ASB2: variants seen among roughly 807,000 people sequenced by gnomAD.
The protein encoded by ASB2 is ankyrin repeat and SOCS box containing 2.
In ASB2, 58 loss-of-function variants were observed where a neutral mutation model predicts 62.4. The observed-to-expected ratio is 0.93, with a 90% confidence interval of 0.75 to 1.16. ASB2 has a LOEUF of 1.16. ASB2 is among the 50% of genes most tolerant of loss of function. ASB2 has a pLI of 0.00. For missense variants in ASB2, 928 were observed against 887.9 expected, an observed-to-expected ratio of 1.05 and a Z score of -0.57; for synonymous variants, 386 against 385.3, an observed-to-expected ratio of 1.00 and a Z score of -0.02.
intron 2 of ASB2, 88 bp downstream of exon 2, chr14:93,964,246 C>G: frequency 8.4e-7 from 1 of 1,183,874 alleles, no homozygotes; most frequent in Non-Finnish European, 1.2e-6. Flanking sequence ...ACCAGGATAC[C>G]GTGGTTTTGG....
chr14:93,942,113 C>CT, intron 7 of ASB2: 1 of 452,894 alleles, frequency 2.2e-6, no homozygotes, highest in Non-Finnish European at 4.4e-6. Flanking sequence ...CATCACTCCT[C>CT]TTCCCAGCCC....
intron 5 of ASB2, among the ~76,000 whole-genome samples, chr14:93,952,571 G>A (rs1451056631): frequency 6.6e-6 from 1 of 152,234 alleles, no homozygotes; most frequent in Non-Finnish European, 1.5e-5. Flanking sequence ...TGGACAGGAT[G>A]CTTTAGAATG....
chr14:93,953,339 G>C lies in ASB2; in HGVS notation c.634+13C>G, dbSNP rs747574977. 72 of 1,558,480 alleles carry C rather than the reference G, an allele frequency of 4.6e-5. No individual in the cohort carries two copies. Among genetic ancestry groups the C allele is most frequent in the Non-Finnish European group, 5.5e-5 (63 of 1,141,598 alleles). ...CTTCCGCAGGAAAGCTCACTCCGGG[G>C]TGGGGACCTCACCTTTGTAGAGCGG... On this transcript the variant is annotated intron_variant, in intron 5 of 9. Coordinates refer to ENST00000555019, the MANE Select transcript of ASB2 (RefSeq NM_001202429.2).
intron 1 of ASB2, among the ~76,000 whole-genome samples, chr14:93,968,734 G>T (rs553696322): frequency 6.6e-6 from 1 of 152,336 alleles, no homozygotes; most frequent in South Asian, 2.1e-4. Context: ...CTACTCCTTG[G>T]ACTACCTGCT....
intron 1 of ASB2, among the ~76,000 whole-genome samples, chr14:93,965,885 G>A (rs1251415650): frequency 5.3e-5 from 8 of 152,246 alleles, no homozygotes; most frequent in Admixed American, 5.2e-4. Flanking sequence ...ACCAAGAGAA[G>A]AGCTTCCCAC....
intron 8 of ASB2, among the ~76,000 whole-genome samples, chr14:93,938,301 G>A (rs1238363196): frequency 2.2e-5 from 3 of 139,082 alleles, no homozygotes; most frequent in Non-Finnish European, 3.0e-5. Flanking sequence ...GTGCAGTGGC[G>A]CGATCTCGGC....
In ASB2 at chr14:93,939,614, T is replaced by A; in HGVS notation, c.1111A>T (p.Ser371Cys). The A allele has an allele frequency of 6.4e-7, 1 of 1,554,556 alleles. No homozygotes were observed. Among genetic ancestry groups the A allele is most frequent in the Non-Finnish European group, 8.6e-7 (1 of 1,157,338 alleles). The change falls in exon 8 of 10, where the codon AGT becomes TGT. Residue 371 changes from serine to cysteine, a missense_variant. Ser to Cys is a moderately radical substitution (Grantham distance 112). Coordinates refer to ENST00000555019, the MANE Select transcript of ASB2 (RefSeq NM_001202429.2). ...CGCTCGGCCGCCAGGTGCAGCGGAC[T>A]GACGCCGCTACGGCGTATGCGCGTG... ...SRTRIRRSGV[S>C]PLHLAAERNH...
chr14:93,948,075 A>G (rs1470353442), intron 6 of ASB2, among the ~76,000 whole-genome samples: 1 of 150,392 alleles, frequency 6.6e-6, no homozygotes, highest in Non-Finnish European at 1.5e-5. Flanking sequence ...AGCAGCCACG[A>G]TGATGCTGGT....
Position 93,962,242 on chromosome 14 carries a change from G to A in ASB2, c.206+2092C>T, listed in dbSNP as rs1056820911. Reference sequence around the variant, plus strand: ...CCATTCTCCTGCCTCAGCTTCCCAAGTAGCTGGGACTACAGGCGCCCGCCA... The same window carrying A: ...CCATTCTCCTGCCTCAGCTTCCCAAATAGCTGGGACTACAGGCGCCCGCCA... On this transcript the variant is annotated intron_variant, in intron 2 of 9. Coordinates refer to ENST00000555019, the MANE Select transcript of ASB2 (RefSeq NM_001202429.2). 3.5e-5 allele frequency among the ~76,000 whole-genome samples: 5 copies of A among 142,910 alleles called. 1 individual carries two copies. In the South Asian group the frequency reaches 1.1e-3, roughly 32 times the overall value. The allele number at this position is 142,910 out of a possible 152,430, so 93.8% of individuals were successfully genotyped here. A position where few individuals can be genotyped will look rare whatever the true frequency, so the allele number is the denominator to read the frequency against.
At chr14:93,971,834 A>G (rs746653964) in intron 1 of ASB2, among the ~76,000 whole-genome samples, 13 of 152,086 alleles carry the variant, frequency 8.5e-5, no homozygotes, top group Middle Eastern at 3.4e-3. Context: ...TTCATCCCAC[A>G]CAATGAATAG....
chr14:93,941,357 G>A (rs918074968), intron 7 of ASB2: 15 of 296,174 alleles, frequency 5.1e-5, no homozygotes, highest in Middle Eastern at 1.2e-3. Flanking sequence ...AGAGAAGCAG[G>A]TGCCACCAGG....
At chr14:93,959,540 C>T (rs1173518867) in intron 2 of ASB2, among the ~76,000 whole-genome samples, 1 of 152,210 alleles carries the variant, frequency 6.6e-6, no homozygotes, top group Non-Finnish European at 1.5e-5. Context: ...ACAGAGCAAA[C>T]CTCCTGGGCT....
chr14:93,939,278 T>A lies in ASB2; in HGVS notation c.1447A>T (p.Met483Leu), dbSNP rs761162288. ...THPTAFPATI[M>L]FAMKCLSLLK... ...AGCGACAGGCACTTCATGGCGAACA[T>A]GATGGTGGCGGGGAAGGCGGTGGGG... Residue 483 changes from methionine (M) to leucine (L), a missense_variant, in exon 8 of 10, where the codon ATG (methionine) becomes TTG (leucine). Transcript: ENST00000555019. 1 of 1,609,576 alleles carries A rather than the reference T, an allele frequency of 6.2e-7. No homozygotes were observed. The highest frequency in any genetic ancestry group is 2.2e-5 in the East Asian group (1 of 44,728).
At chr14:93,955,999 G>C (rs890314033) in intron 3 of ASB2, among the ~76,000 whole-genome samples, 2 of 152,126 alleles carry the variant, frequency 1.3e-5, no homozygotes, top group Admixed American at 6.5e-5. Flanking sequence ...AGTGGAGGGC[G>C]ACAGGATTTG....
chr14:93,964,011 G>A lies in ASB2; in HGVS notation c.206+323C>T, dbSNP rs779730365. On this transcript the variant is annotated intron_variant, in intron 2 of 9. Transcript: ENST00000555019. ...TAGGGAGCCAGGCAGCTCTGATCTCGGCAGCATTATCTACTGGCTATGTGA... is the reference window on the plus strand; with the variant it reads ...TAGGGAGCCAGGCAGCTCTGATCTCAGCAGCATTATCTACTGGCTATGTGA... Among the ~76,000 whole-genome samples the A allele has an allele frequency of 1.3e-4, 20 of 152,260 alleles. No homozygotes were observed. In the South Asian group the frequency reaches 3.9e-3, roughly 30 times the overall value.
At chr14:93,969,283 G>A (rs1283789524) in intron 1 of ASB2, among the ~76,000 whole-genome samples, 1 of 152,196 alleles carries the variant, frequency 6.6e-6, no homozygotes, top group Non-Finnish European at 1.5e-5. Context: ...GTCTCCTGGG[G>A]GACAGGTGGT....
chr14:93,954,199 A>G (rs1595317785), intron 4 of ASB2, 118 bp downstream of exon 4: 3 of 812,564 alleles, frequency 3.7e-6, no homozygotes, highest in Non-Finnish European at 6.0e-6. Flanking sequence ...TGAAAGTGAC[A>G]GCCTTGCCTG....
Position 93,968,804 on chromosome 14 carries a change from G to A in ASB2, c.-73-4192C>T, listed in dbSNP as rs148762215. Among the ~76,000 whole-genome samples, 1,162 of 152,304 alleles carry A rather than the reference G, an allele frequency of 7.6e-3. 10 individuals are homozygous for A. The highest frequency in any genetic ancestry group is 0.031 in the Middle Eastern group (9 of 294). ...TGAGGAGCAGGACTATGTCATACTC[G>A]TAACCCCAGGACCTAACCCAAGGCT... On this transcript the variant is annotated intron_variant, in intron 1 of 9. Coordinates refer to ENST00000555019, the MANE Select transcript of ASB2 (RefSeq NM_001202429.2).
intron 2 of ASB2, among the ~76,000 whole-genome samples, chr14:93,962,111 T>TTTTC (rs1457520028): frequency 1.0e-5 from 1 of 97,666 alleles, no homozygotes; most frequent in Non-Finnish European, 2.0e-5. Flanking sequence ...AACATTCTTT[T>TTTTC]TTTTTTTTTT....
Sources: gnomAD v4.1 joint callset for allele counts (sites outside exome capture counted in the v4.1 genomes callset) on GRCh38, gnomAD v4.1.1 for gene constraint, MANE v1.5 for transcripts, NCBI Gene and HGNC (gene_info 2026-07-23, HGNC 2026-07-21) for gene names.